Variants in ERFL observed in about 807,000 individuals in gnomAD.
ERFL encodes the protein ETS repressor factor like.
Under a neutral mutation model 27.9 loss-of-function variants are expected in ERFL, and 8 were observed. The observed-to-expected ratio is 0.29, with a 90% CI of 0.17 to 0.52. The LOEUF (loss-of-function observed/expected upper bound fraction) is 0.52. Ranked by LOEUF, ERFL falls within the 20% of genes least tolerant of loss-of-function variation. ERFL has a pLI of 0.97. For synonymous variants in ERFL, 174 were observed against 202.8 expected, an observed-to-expected ratio of 0.86 and a Z score of 1.21; for missense variants, 294 against 444.4, an observed-to-expected ratio of 0.66 and a Z score of 3.04.
At chr19:41,923,469 C>A (rs2074853088) in intron 1 of ERFL, among the ~76,000 whole-genome samples, 1 of 150,282 alleles carries the variant, frequency 6.7e-6, no homozygotes, top group East Asian at 2.0e-4. Context: ...CAGACAGAGA[C>A]AAAAAGACAG....
At position 41,916,111 on chromosome 19, in the gene ERFL, G is replaced by A. The variant is rs912298857; in HGVS notation, c.-13-3179C>T. 5.3e-5 allele frequency among the ~76,000 whole-genome samples: 8 copies of A among 151,744 alleles called. No homozygotes were observed. The highest frequency in any genetic ancestry group is 1.9e-4 in the East Asian group (1 of 5,164). On this transcript the variant is annotated intron_variant, in intron 1 of 5. Transcript: ENST00000597630. The surrounding 1 kb of genome is among the most constrained non-coding windows in gnomAD (Gnocchi z 5.4). Reference sequence around the variant, plus strand: ...CGGTGTGCAGAGGCGCTGGGCAGGCGAGGGCCCTCCTCCCTTCTCTCCCTG... The same window carrying A: ...CGGTGTGCAGAGGCGCTGGGCAGGCAAGGGCCCTCCTCCCTTCTCTCCCTG...
In ERFL at chr19:41,907,730, T is replaced by G; in HGVS notation, c.*498A>C. On this transcript the variant is annotated 3_prime_UTR_variant, in exon 6 of 6. Coordinates refer to ENST00000597630, the MANE Select transcript of ERFL (RefSeq NM_001365103.2). ...CTCACTCTCTGTTCTTTTATTTCTGTAGTAAACTCTCTGGAGGTGACTGTT... is the reference window on the plus strand; with the variant it reads ...CTCACTCTCTGTTCTTTTATTTCTGGAGTAAACTCTCTGGAGGTGACTGTT... 4.3e-6 allele frequency: 1 copy of G among 232,602 alleles called. No individual in the cohort carries two copies. The highest frequency in any genetic ancestry group is 8.3e-6 in the Non-Finnish European group (1 of 120,120). 14.4% of individuals were successfully genotyped at this position (232,602 alleles called of 1,614,324 possible).
chr19:41,909,911 C>T lies in ERFL; in HGVS notation c.254G>A (p.Arg85His). ...GTAATTCATGTGGGGCTTGCATTTG[C>T]GAATACCCCACAGCCGGGCCACCTC... ...PDEVARLWGI[R>H]KCKPHMNYDK... The change falls in exon 3 of 6, where the codon CGC becomes CAC. Residue 85 changes from arginine (R) to histidine (H), a missense_variant. By Grantham distance (29) the Arg-to-His change is conservative. Coordinates refer to ENST00000597630, the MANE Select transcript of ERFL (RefSeq NM_001365103.2). The surrounding 1 kb of genome is among the most constrained non-coding windows in gnomAD (Gnocchi z 5.2). 3.7e-6 allele frequency: 6 copies of T among 1,613,582 alleles called. No individual in the cohort carries two copies. Among genetic ancestry groups the T allele is most frequent in the East Asian group, 2.2e-5 (1 of 44,864 alleles).
chr19:41,915,673 CTGTCTCCA>C (rs1234787126), intron 1 of ERFL, among the ~76,000 whole-genome samples: 3 of 152,158 alleles, frequency 2.0e-5, no homozygotes. Flanking sequence ...CTCTGTGTCT[CTGTCTCCA>C]TGTCTCCATC....
intron 1 of ERFL, among the ~76,000 whole-genome samples, chr19:41,915,530 T>C (rs2074795673): frequency 6.6e-6 from 1 of 151,942 alleles, no homozygotes; most frequent in Non-Finnish European, 1.5e-5. Flanking sequence ...GGCTCTGTTT[T>C]AATGTCTAGG....
At chr19:41,922,714 G>A (rs1247133300) in intron 1 of ERFL, among the ~76,000 whole-genome samples, 1 of 152,180 alleles carries the variant, frequency 6.6e-6, no homozygotes, top group Non-Finnish European at 1.5e-5. Context: ...GATCCCACAA[G>A]GGCCGGGGTC....
chr19:41,914,525 C>G (rs1477794318), intron 1 of ERFL, among the ~76,000 whole-genome samples: 1 of 151,600 alleles, frequency 6.6e-6, no homozygotes, highest in Non-Finnish European at 1.5e-5. Flanking sequence ...ATGACTTTCT[C>G]CCCATCTCTG....
rs1343492995 is a variant in ERFL, at chr19:41,916,689, G to A, written c.-13-3757C>T. On this transcript the variant is annotated intron_variant, in intron 1 of 5. Coordinates refer to ENST00000597630, the MANE Select transcript of ERFL (RefSeq NM_001365103.2). This position sits in a 1 kb window ranked among gnomAD's most constrained non-coding sequence, Gnocchi z 5.4. Reference sequence around the variant, plus strand: ...AACCAAGCACCACCGACCCTCGAGCGCATACATATGCACTTGGTCACGCAT... The same window carrying A: ...AACCAAGCACCACCGACCCTCGAGCACATACATATGCACTTGGTCACGCAT... 1.3e-5 allele frequency among the ~76,000 whole-genome samples: 2 copies of A among 151,476 alleles called. No homozygotes were observed. The highest frequency in any genetic ancestry group is 2.9e-5 in the Non-Finnish European group (2 of 67,900).
In ERFL at chr19:41,908,294, G is replaced by A. The variant is rs1198608143; in HGVS notation, c.999C>T (p.Ser333=). The change falls in exon 6 of 6, where the codon AGC becomes AGT. Residue 333 remains serine, a synonymous_variant. Transcript: ENST00000597630. The surrounding 1 kb of genome is among the most constrained non-coding windows in gnomAD (Gnocchi z 6.7). ...ITDVSGCSSD[S]EGDEGLPAPP... The stretch of plus-strand genomic sequence containing the variant: ...GTGCCGGGAGACCCTCATCGCCCTC[G>A]CTGTCAGAGCTGCAGCCGCTGACGT... 6 of 1,231,518 alleles carry A rather than the reference G, an allele frequency of 4.9e-6. No homozygotes were observed. Among genetic ancestry groups the A allele is most frequent in the Middle Eastern group, 3.1e-4 (1 of 3,208 alleles). 76.3% of individuals were successfully genotyped at this position (1,231,518 alleles called of 1,614,324 possible). A position where few individuals can be genotyped will look rare whatever the true frequency, so the allele number is the denominator to read the frequency against.
chr19:41,915,947 G>A (rs945750959), intron 1 of ERFL, among the ~76,000 whole-genome samples: 9 of 142,594 alleles, frequency 6.3e-5, no homozygotes, highest in East Asian at 4.2e-4. Flanking sequence ...CCTCCCCCCC[G>A]CCGGCCGGCG....
At position 41,916,795 on chromosome 19, in the gene ERFL, G is replaced by C; in HGVS notation, c.-13-3863C>G. On this transcript the variant is annotated intron_variant, in intron 1 of 5. Transcript: ENST00000597630. This position sits in a 1 kb window ranked among gnomAD's most constrained non-coding sequence, Gnocchi z 5.4. Reference sequence around the variant, plus strand: ...ACACACACACCCATTCACAGACACAGTCACAATCACACACACACACCAAGA... The same window carrying C: ...ACACACACACCCATTCACAGACACACTCACAATCACACACACACACCAAGA... Among the ~76,000 whole-genome samples the C allele has an allele frequency of 6.6e-6, 1 of 151,976 alleles. No individual in the cohort carries two copies. Among genetic ancestry groups the C allele is most frequent in the East Asian group, 1.9e-4 (1 of 5,162 alleles).
In ERFL at chr19:41,916,559, CAT is replaced by C. The variant is rs780981669; in HGVS notation, c.-13-3629_-13-3628del. ...AAATCCTAGACACACTGTGTAAACA[CAT>C]AATCACACACTGAGGCTCACAATCA... On this transcript the variant is annotated intron_variant, in intron 1 of 5. Transcript: ENST00000597630. The surrounding 1 kb of genome is among the most constrained non-coding windows in gnomAD (Gnocchi z 5.4). Among the ~76,000 whole-genome samples the C allele has an allele frequency of 4.2e-3, 638 of 152,246 alleles. 22 individuals carry two copies. Among genetic ancestry groups the C allele is most frequent in the Non-Finnish European group, 8.5e-4 (58 of 68,020 alleles).
chr19:41,914,774 C>T (rs868974110), intron 1 of ERFL, among the ~76,000 whole-genome samples: 2 of 33,388 alleles, frequency 6.0e-5, no homozygotes, highest in Non-Finnish European at 1.2e-4. Context: ...GTCTCTGTCT[C>T]TCCCTCCCCT....
At chr19:41,919,332 G>A (rs782465053) in intron 1 of ERFL, among the ~76,000 whole-genome samples, 2 of 152,022 alleles carry the variant, frequency 1.3e-5, no homozygotes, top group African/African-American at 4.8e-5. Flanking sequence ...AGACACATGC[G>A]CCATCCAACA....
At chr19:41,923,356 TGAGA>T in intron 1 of ERFL, 1 of 351,118 alleles carries the variant, frequency 2.8e-6, no homozygotes, top group Non-Finnish European at 5.6e-6. Flanking sequence ...ATGGAGAAAC[TGAGA>T]GAGAGTCAGA....
rs545333125 is a variant in ERFL, at chr19:41,922,911, C to T, written c.-14+5129G>A. ...ACCGGGTCCCATGCCCAGGCCTGGGCTGGAGGGGATGCCTCTGCCCACCTC... is the reference window on the plus strand; with the variant it reads ...ACCGGGTCCCATGCCCAGGCCTGGGTTGGAGGGGATGCCTCTGCCCACCTC... On this transcript the variant is annotated intron_variant, in intron 1 of 5. Coordinates refer to ENST00000597630, the MANE Select transcript of ERFL (RefSeq NM_001365103.2). 2.6e-5 allele frequency among the ~76,000 whole-genome samples: 4 copies of T among 152,310 alleles called. No homozygotes were observed. The East Asian group carries it at 5.8e-4, about 22-fold the overall frequency.
intron 1 of ERFL, among the ~76,000 whole-genome samples, chr19:41,919,753 T>C (rs2074827127): frequency 6.6e-6 from 1 of 151,516 alleles, no homozygotes; most frequent in Admixed American, 6.6e-5. Flanking sequence ...TCCACCCTGT[T>C]TCTCTGGGAC....
rs2074810872 is a variant in ERFL, at chr19:41,917,773, C to A, written c.-13-4841G>T. 6.6e-6 allele frequency among the ~76,000 whole-genome samples: 1 copy of A among 151,910 alleles called. No homozygotes were observed. Among genetic ancestry groups the A allele is most frequent in the Non-Finnish European group, 1.5e-5 (1 of 67,968 alleles). ...ACACATCTGTGCACACAGTAGAGAC[C>A]CACAGTGACACCCACTAGTAGGCAC... On this transcript the variant is annotated intron_variant, in intron 1 of 5. Coordinates refer to ENST00000597630, the MANE Select transcript of ERFL (RefSeq NM_001365103.2). This position sits in a 1 kb window ranked among gnomAD's most constrained non-coding sequence, Gnocchi z 4.8.
At position 41,910,324 on chromosome 19, in the gene ERFL, T is replaced by C. The variant is rs2074744851; in HGVS notation, c.68-227A>G. On this transcript the variant is annotated intron_variant, in intron 2 of 5. Coordinates refer to ENST00000597630, the MANE Select transcript of ERFL (RefSeq NM_001365103.2). The surrounding 1 kb of genome is among the most constrained non-coding windows in gnomAD (Gnocchi z 4.4). The stretch of plus-strand genomic sequence containing the variant: ...CAGGGACCCTGGGTTGGTACCAGTC[T>C]GATCCCCTACCTTGGCATAGCTCCC... Among the ~76,000 whole-genome samples, 1 of 152,140 alleles carries C rather than the reference T, an allele frequency of 6.6e-6. No individual in the cohort carries two copies. Among genetic ancestry groups the C allele is most frequent in the South Asian group, 2.1e-4 (1 of 4,828 alleles).
Sources: gnomAD v4.1 joint callset for allele counts (sites outside exome capture counted in the v4.1 genomes callset) on GRCh38, gnomAD v4.1.1 for gene constraint, Gnocchi (gnomAD v3.1) non-coding constraint, MANE v1.5 for transcripts, NCBI Gene and HGNC (gene_info 2026-07-23, HGNC 2026-07-21) for gene names.